The following SUGCT variants were observed in gnomAD, a reference collection of about 807,000 sequenced individuals.
SUGCT encodes succinyl-CoA:glutarate CoA-transferase.
Under a neutral mutation model 55.0 loss-of-function variants are expected in SUGCT, and 41 were observed. The ratio of observed to expected loss-of-function variants is 0.74; its 90% confidence interval spans 0.58 to 0.97. The LOEUF is 0.97. Among genes scored for constraint, SUGCT ranks in the 50% least tolerant of loss-of-function variants. The pLI is 0.00. For missense variants in SUGCT, 568 were observed against 547.8 expected, an observed-to-expected ratio of 1.04 and a Z score of -0.37; for synonymous variants, 187 against 200.4, an observed-to-expected ratio of 0.93 and a Z score of 0.56.
intron 12 of SUGCT, among the ~76,000 whole-genome samples, chr7:40,541,180 G>T (rs1402018433): frequency 2.0e-5 from 3 of 152,128 alleles, no homozygotes; most frequent in African/African-American, 7.2e-5. Flanking sequence ...AAATGCATTA[G>T]TAAGGAGAGA....
intron 12 of SUGCT, among the ~76,000 whole-genome samples, chr7:40,661,380 C>T (rs1349000681): frequency 6.6e-6 from 1 of 152,142 alleles, no homozygotes; most frequent in Non-Finnish European, 1.5e-5. Context: ...TTCTGTCTTG[C>T]ATCATCAACT....
chr7:40,472,356 G>T (rs950453858), intron 11 of SUGCT, among the ~76,000 whole-genome samples: 1 of 152,068 alleles, frequency 6.6e-6, no homozygotes, highest in African/African-American at 2.4e-5. Context: ...AATTAAATTT[G>T]CCACAGATCT....
chr7:40,813,580 A>G (rs1362010154), intron 13 of SUGCT, among the ~76,000 whole-genome samples: 1 of 152,128 alleles, frequency 6.6e-6, no homozygotes, highest in Non-Finnish European at 1.5e-5. Flanking sequence ...TCTTCCTCCA[A>G]GTCTTTACTT....
chr7:40,260,894 G>A (rs1791180557), intron 7 of SUGCT, among the ~76,000 whole-genome samples: 1 of 151,880 alleles, frequency 6.6e-6, no homozygotes, highest in Non-Finnish European at 1.5e-5. Context: ...GCCTCCCAAA[G>A]TGCTGGGATT....
the SUGCT span, among the ~76,000 whole-genome samples, chr7:40,990,163 A>G: frequency 2.4e-4 from 37 of 152,110 alleles, no homozygotes; most frequent in Non-Finnish European, 4.0e-4. Flanking sequence ...GGAAGTTGAA[A>G]TGGCTTCTTG....
chr7:40,612,285 T>C (rs1326581368), intron 12 of SUGCT, among the ~76,000 whole-genome samples: 1 of 152,206 alleles, frequency 6.6e-6, no homozygotes, highest in East Asian at 1.9e-4. Context: ...ATGTGGCTCA[T>C]AGTAAGTGCC....
chr7:40,732,133 A>G (rs1786920872), intron 12 of SUGCT, among the ~76,000 whole-genome samples: 1 of 152,202 alleles, frequency 6.6e-6, no homozygotes, highest in Admixed American at 6.5e-5. Context: ...AGGTGTTGGC[A>G]GCATTGCACT....
intron 9 of SUGCT, among the ~76,000 whole-genome samples, chr7:40,376,029 G>A (rs1030537061): frequency 1.3e-5 from 2 of 152,152 alleles, no homozygotes; most frequent in African/African-American, 4.8e-5. Flanking sequence ...AAATTCATAC[G>A]TAATAGCAAC....
At chr7:40,147,371 A>G (rs1788309841) in intron 1 of SUGCT, among the ~76,000 whole-genome samples, 1 of 152,058 alleles carries the variant, frequency 6.6e-6, no homozygotes, top group African/African-American at 2.4e-5. Flanking sequence ...CCCGCCTTCA[A>G]TGGGGATTTC....
chr7:40,276,978 A>G (rs1029431427), intron 8 of SUGCT, among the ~76,000 whole-genome samples: 3 of 152,174 alleles, frequency 2.0e-5, no homozygotes, highest in African/African-American at 7.2e-5. Flanking sequence ...CTTTGAGGTC[A>G]ATGTGAGAAC....
chr7:40,478,394 G>A (rs887226664), intron 11 of SUGCT, among the ~76,000 whole-genome samples: 7 of 152,038 alleles, frequency 4.6e-5, no homozygotes, highest in South Asian at 2.1e-4. Context: ...TAAACTTCAC[G>A]AAACTTGCGC....
chr7:41,020,557 A>G, the SUGCT span, among the ~76,000 whole-genome samples: 2 of 152,252 alleles, frequency 1.3e-5, no homozygotes, highest in Admixed American at 6.5e-5. Context: ...GAAGGTATAG[A>G]TGCCATTCTA....
chr7:40,250,162 T>C (rs1285699847), intron 7 of SUGCT, among the ~76,000 whole-genome samples: 3 of 152,044 alleles, frequency 2.0e-5, no homozygotes, highest in Non-Finnish European at 4.4e-5. Context: ...CTTTGGAAGG[T>C]TGAGGCAGGA....
intron 11 of SUGCT, among the ~76,000 whole-genome samples, chr7:40,483,559 G>A (rs1368473162): frequency 6.6e-6 from 1 of 152,064 alleles, no homozygotes; most frequent in African/African-American, 2.4e-5. Flanking sequence ...TGGAATTAAA[G>A]TAGCTCCTAT....
chr7:40,139,045 G>A (rs1787839401), intron 1 of SUGCT, among the ~76,000 whole-genome samples: 1 of 151,868 alleles, frequency 6.6e-6, no homozygotes, highest in African/African-American at 2.4e-5. Flanking sequence ...AGGCTGAAGT[G>A]GGTGGATCAC....
chr7:40,978,816 C>T, the SUGCT span, among the ~76,000 whole-genome samples: 4 of 152,088 alleles, frequency 2.6e-5, no homozygotes, highest in East Asian at 3.9e-4. Flanking sequence ...AAGGGAGGCA[C>T]GAGTAAGGTC....
the SUGCT span, among the ~76,000 whole-genome samples, chr7:40,917,190 C>G: frequency 2.6e-5 from 4 of 152,222 alleles, no homozygotes; most frequent in Admixed American, 6.5e-5. Flanking sequence ...AAATTCATGA[C>G]TGTCAACTCT....
the SUGCT span, among the ~76,000 whole-genome samples, chr7:40,970,401 A>G: frequency 8.9e-4 from 136 of 152,160 alleles, 1 homozygote; most frequent in African/African-American, 3.1e-3. Flanking sequence ...TGAACTTCTG[A>G]TCTCAAGTGA....
chr7:40,685,641 T>C (rs1189490110), intron 12 of SUGCT, among the ~76,000 whole-genome samples: 1 of 152,216 alleles, frequency 6.6e-6, no homozygotes, highest in Non-Finnish European at 1.5e-5. Context: ...CTAGAAACTT[T>C]AAAAATAATC....
Sources: gnomAD v4.1 joint callset for allele counts (sites outside exome capture counted in the v4.1 genomes callset) on GRCh38, gnomAD v4.1.1 for gene constraint, MANE v1.5 for transcripts, NCBI Gene and HGNC (gene_info 2026-07-23, HGNC 2026-07-21) for gene names.